MCM9: variants seen among roughly 807,000 people sequenced by gnomAD.
MCM9 encodes DNA helicase MCM9.
A neutral mutation model predicts 72.8 loss-of-function variants in MCM9; 55 were observed. The observed-to-expected ratio is 0.76, with a 90% CI of 0.61 to 0.95. The LOEUF is 0.95. MCM9 is among the 40% of genes least tolerant of loss of function. The pLI is 0.00. For synonymous variants in MCM9, 480 were observed against 503.4 expected (o/e 0.95, Z 0.62); for missense variants, 1,279 against 1,377.0 (o/e 0.93, Z 1.13).
chr6:118,891,237 C>T (rs1408023351), intron 8 of MCM9, among the ~76,000 whole-genome samples: 3 of 152,134 alleles, frequency 2.0e-5, no homozygotes, highest in Non-Finnish European at 4.4e-5. Flanking sequence ...TCCACATACG[C>T]CACACCCTTA....
At chr6:118,827,241 T>C (rs1002700210) in intron 11 of MCM9, among the ~76,000 whole-genome samples, 1 of 152,244 alleles carries the variant, frequency 6.6e-6, no homozygotes, top group African/African-American at 2.4e-5. Flanking sequence ...TCTATGAGCT[T>C]TTCAAAGCTA....
At chr6:118,885,094 G>A (rs541239493) in intron 8 of MCM9, among the ~76,000 whole-genome samples, 34 of 152,174 alleles carry the variant, frequency 2.2e-4, no homozygotes, top group Non-Finnish European at 4.1e-4. Context: ...TACTCAGGAG[G>A]CTGAGGCAGG....
At chr6:118,876,604 C>T (rs535716161) in intron 8 of MCM9, among the ~76,000 whole-genome samples, 51 of 152,222 alleles carry the variant, frequency 3.4e-4, no homozygotes, top group African/African-American at 1.2e-3. Context: ...GCAAAGATTT[C>T]TTACATATGA....
intron 9 of MCM9, among the ~76,000 whole-genome samples, chr6:118,837,536 A>C (rs1775046552): frequency 6.6e-6 from 1 of 152,164 alleles, no homozygotes; most frequent in Admixed American, 6.5e-5. Flanking sequence ...AACTTGCTTT[A>C]TGAATCTGGG....
Position 118,816,207 on chromosome 6 carries a change from T to G in MCM9, c.2049A>C (p.Glu683Asp). 6.4e-7 allele frequency: 1 copy of G among 1,550,560 alleles called. No individual in the cohort carries two copies. The highest frequency in any genetic ancestry group is 2.4e-5 in the East Asian group (1 of 40,916). Residue 683 changes from glutamate to aspartate, a missense_variant, in exon 14 of 14, where the codon GAA becomes GAC. By Grantham distance (45) the Glu-to-Asp change is conservative. Coordinates refer to ENST00000619706, the MANE Select transcript of MCM9 (RefSeq NM_017696.3). The part of the protein sequence containing the change: ...TPGSLRNGPG[E>D]ESNFRTSSQQ... The stretch of plus-strand genomic sequence containing the variant: ...GTGATGAAGTTCTGAAGTTTGATTC[T>G]TCCCCTGGACCATTTCTCAAGGATC...
At chr6:118,864,956 A>C (rs1357037152) in intron 8 of MCM9, among the ~76,000 whole-genome samples, 1 of 152,060 alleles carries the variant, frequency 6.6e-6, no homozygotes, top group Non-Finnish European at 1.5e-5. Flanking sequence ...CTTCTAACGA[A>C]CTTGCTTCAG....
chr6:118,888,303 C>G (rs889911658), intron 8 of MCM9, among the ~76,000 whole-genome samples: 1 of 151,910 alleles, frequency 6.6e-6, no homozygotes, highest in East Asian at 1.9e-4. Context: ...TGGCTAACAC[C>G]GTAAAACCCC....
rs141544216 is a variant in MCM9 at position 118,820,029 on chromosome 6, T to C, written c.1962-3735A>G. Among the ~76,000 whole-genome samples the C allele has an allele frequency of 1.1e-3, 163 of 152,304 alleles. 1 individual carries two copies. The East Asian group carries it at 0.028, about 26-fold the overall frequency. The stretch of plus-strand genomic sequence containing the variant: ...TTCTCTCTTTTCTGCTTCATTAGTA[T>C]GGCTAGCGGTCTATCTATTTTGTTA... On this transcript the variant is annotated intron_variant, in intron 13 of 13. Coordinates refer to ENST00000619706, the MANE Select transcript of MCM9 (RefSeq NM_017696.3).
Position 118,814,516 on chromosome 6 carries a change from T to TAA in MCM9, c.*306_*307dup. 4.6e-6 allele frequency: 1 copy of TAA among 216,538 alleles called. No individual in the cohort carries two copies. Among genetic ancestry groups the TAA allele is most frequent in the Non-Finnish European group, 9.0e-6 (1 of 111,184 alleles). 13.4% of individuals were successfully genotyped at this position (216,538 alleles called of 1,614,324 possible). Reference sequence around the variant, plus strand: ...AATCTAGGGAAGAACCTCTCCCCCTTAAAAACAAAACAAAACAAAAAACAG... The same window carrying TAA: ...AATCTAGGGAAGAACCTCTCCCCCTTAAAAAAACAAAACAAAACAAAAAACAG... On this transcript the variant is annotated 3_prime_UTR_variant, in exon 14 of 14. Coordinates refer to ENST00000619706, the MANE Select transcript of MCM9 (RefSeq NM_017696.3).
At chr6:118,832,210 A>ATCAC (rs762209232) in intron 9 of MCM9, among the ~76,000 whole-genome samples, 10 of 152,118 alleles carry the variant, frequency 6.6e-5, no homozygotes, top group Non-Finnish European at 1.5e-4. Flanking sequence ...ACAGGTGTAC[A>ATCAC]TCACCATGCC....
At chr6:118,899,188 A>G (rs1397574259) in intron 8 of MCM9, among the ~76,000 whole-genome samples, 1 of 152,168 alleles carries the variant, frequency 6.6e-6, no homozygotes, top group Non-Finnish European at 1.5e-5. Flanking sequence ...CTTACACTCT[A>G]TATTGAACAC....
intron 9 of MCM9, among the ~76,000 whole-genome samples, chr6:118,847,983 T>C (rs1239081369): frequency 1.3e-5 from 2 of 151,874 alleles, no homozygotes; most frequent in African/African-American, 4.9e-5. Context: ...GTCAATGCTA[T>C]GAAAAATGAT....
At chr6:118,889,358 T>C (rs1471060700) in intron 8 of MCM9, among the ~76,000 whole-genome samples, 4 of 152,232 alleles carry the variant, frequency 2.6e-5, no homozygotes, top group Non-Finnish European at 5.9e-5. Context: ...CTCCATCTAA[T>C]GTCATTTGTC....
intron 3 of MCM9, among the ~76,000 whole-genome samples, chr6:118,930,099 A>T (rs904375568): frequency 2.1e-5 from 2 of 94,108 alleles, no homozygotes; most frequent in South Asian, 3.8e-4. Context: ...TTATTTATTT[A>T]TTTATTTATT....
intron 8 of MCM9, among the ~76,000 whole-genome samples, chr6:118,870,373 T>G (rs1016915971): frequency 3.3e-5 from 5 of 152,094 alleles, no homozygotes; most frequent in African/African-American, 1.2e-4. Flanking sequence ...CAGTGGAAAT[T>G]AAGCAATATG....
At chr6:118,928,139 T>G (rs1336266521) in intron 3 of MCM9, among the ~76,000 whole-genome samples, 1 of 152,152 alleles carries the variant, frequency 6.6e-6, no homozygotes, top group Non-Finnish European at 1.5e-5. Flanking sequence ...AGGCCAGGCA[T>G]GGTGGCTCAT....
At chr6:118,920,427 C>T (rs1781336514) in intron 5 of MCM9, 1 of 152,222 alleles carries the variant, frequency 6.6e-6, no homozygotes, top group African/African-American at 2.4e-5. Flanking sequence ...GTTGTTGAAC[C>T]CACCTAGTCT....
At chr6:118,911,922 C>T in intron 7 of MCM9, 153 bp from the exon 8 acceptor site, 1 of 575,688 alleles carries the variant, frequency 1.7e-6, no homozygotes, top group Non-Finnish European at 3.1e-6. Flanking sequence ...AGTTAACTGT[C>T]ATAAACAGTC....
intron 8 of MCM9, among the ~76,000 whole-genome samples, chr6:118,906,221 T>C (rs879320953): frequency 6.6e-6 from 1 of 152,096 alleles, no homozygotes; most frequent in Non-Finnish European, 1.5e-5. Flanking sequence ...TACAGGTGTA[T>C]ACCAACACGC....
Sources: gnomAD v4.1 joint callset for allele counts (sites outside exome capture counted in the v4.1 genomes callset) on GRCh38, gnomAD v4.1.1 for gene constraint, MANE v1.5 for transcripts, NCBI Gene and HGNC (gene_info 2026-07-23, HGNC 2026-07-21) for gene names.